Variants in PATL2 observed in about 807,000 individuals in gnomAD.
PATL2 encodes PAT1 homolog 2, also known as protein PAT1 homolog 2.
A neutral mutation model predicts 77.0 loss-of-function variants in PATL2; 73 were observed. The ratio of observed to expected loss-of-function variants is 0.95; its 90% CI spans 0.78 to 1.15. The LOEUF (loss-of-function observed/expected upper bound fraction) is 1.15. Ranked by LOEUF, PATL2 falls within the 50% of genes most tolerant of loss-of-function variation. The probability of loss-of-function intolerance (pLI) is 0.00; values close to 1 mark genes in which losing one functional copy is unlikely to be tolerated. For synonymous variants in PATL2, 265 were observed against 257.1 expected, an observed-to-expected ratio of 1.03 and a Z score of -0.29; for missense variants, 618 against 655.4, an observed-to-expected ratio of 0.94 and a Z score of 0.62.
chr15:44,666,867 G>A lies in PATL2; in HGVS notation c.1463+239C>T, dbSNP rs1227602029. 1.2e-5 allele frequency: 6 copies of A among 510,648 alleles called. No homozygotes were observed. The South Asian group carries it at 1.5e-4, about 13-fold the overall frequency. 31.6% of individuals were successfully genotyped at this position (510,648 alleles called of 1,614,324 possible). A position where few individuals can be genotyped will look rare whatever the true frequency, so the allele number is the denominator to read the frequency against. Reference sequence around the variant, plus strand: ...TAAGTGATACAGCCAGAATTCAAACGTAGGTCTTTTTAAAATCTAAAGCTT... The same window carrying A: ...TAAGTGATACAGCCAGAATTCAAACATAGGTCTTTTTAAAATCTAAAGCTT... On this transcript the variant is annotated intron_variant, in intron 16 of 17. Coordinates refer to ENST00000682850, the MANE Select transcript of PATL2 (RefSeq NM_001387263.1).
At chr15:44,709,938 T>C (rs1360478934) in intron 3 of PATL2, among the ~76,000 whole-genome samples, 158 bp downstream of exon 3, 1 of 152,212 alleles carries the variant, frequency 6.6e-6, no homozygotes, top group African/African-American at 2.4e-5. Flanking sequence ...TTATATGAGT[T>C]TTTAAAAGGG....
intron 3 of PATL2, among the ~76,000 whole-genome samples, chr15:44,683,910 T>A (rs1385960397): frequency 6.6e-6 from 1 of 152,056 alleles, no homozygotes; most frequent in Non-Finnish European, 1.5e-5. Context: ...CAAGCAGCAA[T>A]CTTTGCCGTT....
At position 44,670,121 on chromosome 15, in the gene PATL2, A is replaced by C. The variant is rs1235691764; in HGVS notation, c.658-34T>G. On this transcript the variant is annotated intron_variant, in intron 9 of 17. Coordinates refer to ENST00000682850, the MANE Select transcript of PATL2 (RefSeq NM_001387263.1). ...GCACGGAATAGGAAACAAAAAAACA[A>C]AACACCTTATATTCATCTTTTGAAT... is the stretch of plus-strand genomic sequence containing the variant. The C allele has an allele frequency of 2.6e-6, 4 of 1,548,898 alleles. No homozygotes were observed. In the African/African-American group the frequency reaches 4.1e-5, roughly 16 times the overall value.
rs150057841 is a variant in PATL2, at chr15:44,708,723, C to T, written c.-76+1373G>A. On this transcript the variant is annotated intron_variant, in intron 3 of 17. Coordinates refer to ENST00000682850, the MANE Select transcript of PATL2 (RefSeq NM_001387263.1). Reference sequence around the variant, plus strand: ...ATTTACCTGTTGATGTATGTTGGATCGTTTCTAGTTTTCAGCTATCACAAA... The same window carrying T: ...ATTTACCTGTTGATGTATGTTGGATTGTTTCTAGTTTTCAGCTATCACAAA... Among the ~76,000 whole-genome samples the T allele has an allele frequency of 4.6e-5, 7 of 152,220 alleles. No individual in the cohort carries two copies. The East Asian group carries it at 5.8e-4, about 13-fold the overall frequency.
At chr15:44,700,686 C>T (rs993904652) in intron 3 of PATL2, among the ~76,000 whole-genome samples, 1 of 152,054 alleles carries the variant, frequency 6.6e-6, no homozygotes, top group Non-Finnish European at 1.5e-5. Context: ...AGGTTTTTTT[C>T]AAATATAAGA....
At chr15:44,693,697 G>T (rs1281826484) in intron 3 of PATL2, among the ~76,000 whole-genome samples, 31 of 143,980 alleles carry the variant, frequency 2.2e-4, no homozygotes, top group Non-Finnish European at 4.0e-4. Context: ...TTCTTTTTCT[G>T]TTTTTTTTTT....
intron 1 of PATL2, 37 bp from the exon 2 acceptor site, chr15:44,710,966 A>C (rs894892638): frequency 5.7e-6 from 1 of 175,260 alleles, no homozygotes; most frequent in African/African-American, 2.4e-5. Context: ...GTACTCTTTC[A>C]CTAGGACCTT....
intron 11 of PATL2, 77 bp downstream of exon 11, chr15:44,669,700 C>T: frequency 6.6e-7 from 1 of 1,513,460 alleles, no homozygotes; most frequent in Non-Finnish European, 9.0e-7. Context: ...TCTTCGGTCA[C>T]AGTCTTAAAC....
At chr15:44,679,020 A>T (rs2086066365) in intron 3 of PATL2, among the ~76,000 whole-genome samples, 2 of 152,136 alleles carry the variant, frequency 1.3e-5, no homozygotes, top group South Asian at 4.1e-4. Context: ...AAGTGTATTT[A>T]AAAATCCATG....
rs148158070 is a variant in PATL2 at position 44,667,136 on chromosome 15, A to G, written c.1433T>C (p.Leu478Pro). The change falls in exon 16 of 18, where the codon CTA becomes CCA. Residue 478 changes from leucine to proline, a missense_variant. Transcript: ENST00000682850. The stretch of plus-strand genomic sequence containing the variant: ...TGTATGGTCACTGTTGGGTTCCTCT[A>G]GGGAAGAATGCAGCGATACCAGTTG... ...GEQLVSLHSS[L>P]EEPNSDHTAW... 2.6e-6 allele frequency: 4 copies of G among 1,551,622 alleles called. No individual in the cohort carries two copies. The highest frequency in any genetic ancestry group is 3.5e-6 in the Non-Finnish European group (4 of 1,146,960).
chr15:44,707,167 C>A (rs1049811696), intron 3 of PATL2, among the ~76,000 whole-genome samples: 2 of 152,102 alleles, frequency 1.3e-5, no homozygotes, highest in African/African-American at 4.8e-5. Flanking sequence ...TCCCCTCTGG[C>A]CCAGAGCAGG....
intron 3 of PATL2, among the ~76,000 whole-genome samples, chr15:44,689,246 CTT>C (rs1685137945): frequency 6.6e-6 from 1 of 152,168 alleles, no homozygotes. Context: ...AATAAGAATG[CTT>C]TTACACTGTT....
At chr15:44,668,827 T>G (rs187553412) in intron 14 of PATL2, among the ~76,000 whole-genome samples, 153 bp downstream of exon 14, 1 of 152,358 alleles carries the variant, frequency 6.6e-6, no homozygotes, top group African/African-American at 2.4e-5. Context: ...ATAATAGTTC[T>G]GTAACTTCCT....
In PATL2 at chr15:44,678,632, A is replaced by T. The variant is rs527412646; in HGVS notation, c.-75-2067T>A. ...TTCTTCTAGAATAAGAAGTACACAC[A>T]GGTACACAGGATTGTTGGGTCAGAT... On this transcript the variant is annotated intron_variant, in intron 3 of 17. Coordinates refer to ENST00000682850, the MANE Select transcript of PATL2 (RefSeq NM_001387263.1). Among the ~76,000 whole-genome samples the T allele has an allele frequency of 4.6e-5, 7 of 152,288 alleles. No homozygotes were observed. In the East Asian group the frequency reaches 9.6e-4, roughly 21 times the overall value.
In PATL2 at chr15:44,669,084, C is replaced by G; in HGVS notation, c.1120G>C (p.Val374Leu). ...GGCAGGAAGGGGAGCAGCCGGGCCA[C>G]CAGGGCCTTCCCCTTCCTCACAGAG... ...VLSVRKGKAL[V>L]ARLLPFLPQD... Residue 374 changes from valine to leucine, a missense_variant, in exon 14 of 18, where the codon GTG becomes CTG. Physicochemically the swap from Val to Leu is conservative, Grantham distance 32. Coordinates refer to ENST00000682850, the MANE Select transcript of PATL2 (RefSeq NM_001387263.1). The G allele has an allele frequency of 6.4e-7, 1 of 1,550,736 alleles. No individual in the cohort carries two copies. The highest frequency in any genetic ancestry group is 8.7e-7 in the Non-Finnish European group (1 of 1,146,476).
chr15:44,669,616 A>T (rs1243062480), intron 11 of PATL2, 53 bp from the exon 12 acceptor site: 3 of 1,535,960 alleles, frequency 2.0e-6, no homozygotes, highest in Non-Finnish European at 1.8e-6. Flanking sequence ...CCACAGCCCT[A>T]GCCCAGGCCC....
chr15:44,709,472 A>C (rs1330356273), intron 3 of PATL2, among the ~76,000 whole-genome samples: 1 of 152,082 alleles, frequency 6.6e-6, no homozygotes, highest in East Asian at 1.9e-4. Flanking sequence ...ACTTGAGACC[A>C]GGAGTTCGAG....
Position 44,674,159 on chromosome 15 carries a change from A to C in PATL2, c.294T>G (p.Phe98Leu). 6.5e-7 allele frequency: 1 copy of C among 1,548,968 alleles called. No individual in the cohort carries two copies. Among genetic ancestry groups the C allele is most frequent in the Non-Finnish European group, 8.7e-7 (1 of 1,144,574 alleles). The change falls in exon 6 of 18, where the codon TTT (phenylalanine) becomes TTG (leucine). Residue 98 changes from phenylalanine to leucine, a missense_variant. Coordinates refer to ENST00000682850, the MANE Select transcript of PATL2 (RefSeq NM_001387263.1). ...ACTGCAGCAGACTCACCTGCCACAGAAAATGCAAGGAGGCAAGTGACATTC... is the reference window on the plus strand; with the variant it reads ...ACTGCAGCAGACTCACCTGCCACAGCAAATGCAAGGAGGCAAGTGACATTC... Reference protein sequence around the residue: ...MLGMSLASLHFLWQTLDYLSP... With the variant: ...MLGMSLASLHLLWQTLDYLSP...
intron 3 of PATL2, among the ~76,000 whole-genome samples, chr15:44,697,924 G>A (rs1056713941): frequency 4.6e-5 from 7 of 151,986 alleles, no homozygotes; most frequent in African/African-American, 1.7e-4. Context: ...AAAAAATTGA[G>A]ATGGGGCTCT....
Sources: gnomAD v4.1 joint callset for allele counts (sites outside exome capture counted in the v4.1 genomes callset) on GRCh38, gnomAD v4.1.1 for gene constraint, MANE v1.5 for transcripts, NCBI Gene and HGNC (gene_info 2026-07-23, HGNC 2026-07-21) for gene names.